Variants in KAZN observed in about 807,000 individuals in gnomAD.
KAZN encodes the protein kazrin, periplakin interacting protein, also known as kazrin.
Under a neutral mutation model 87.4 loss-of-function variants are expected in KAZN, and 40 were observed. That is an observed-to-expected ratio of 0.46 (90% CI 0.36 to 0.60). The LOEUF (loss-of-function observed/expected upper bound fraction) is 0.60. Among genes scored for constraint, KAZN ranks in the 20% least tolerant of loss-of-function variants. KAZN has a pLI of 0.00. For missense variants in KAZN, 898 were observed against 1,073.9 expected (o/e 0.84, Z 2.29); for synonymous variants, 466 against 458.3 (o/e 1.02, Z -0.22).
intron 2 of KAZN, among the ~76,000 whole-genome samples, chr1:14,551,702 G>A (rs910215520): frequency 6.6e-6 from 1 of 152,164 alleles, no homozygotes; most frequent in African/African-American, 2.4e-5. Flanking sequence ...TCACAGATTT[G>A]AGACATCTAA....
chr1:14,059,197 A>G (rs1642692533), intron 1 of KAZN, among the ~76,000 whole-genome samples: 1 of 152,206 alleles, frequency 6.6e-6, no homozygotes, highest in African/African-American at 2.4e-5. Context: ...GGCTCACACA[A>G]TTACAAGGCA....
At chr1:14,248,859 G>T (rs1389779772) in intron 2 of KAZN, among the ~76,000 whole-genome samples, 1 of 152,114 alleles carries the variant, frequency 6.6e-6, no homozygotes, top group Admixed American at 6.5e-5. Context: ...GTTGTTCATG[G>T]GGACATTCAC....
chr1:14,553,496 A>G (rs1214584258), intron 2 of KAZN, among the ~76,000 whole-genome samples: 4 of 152,226 alleles, frequency 2.6e-5, no homozygotes, highest in Non-Finnish European at 4.4e-5. Flanking sequence ...TCACCTATGT[A>G]TCACCTTGGC....
rs2004702 is a variant in KAZN, at chr1:14,949,019, T to G, written c.227-11665T>G. On this transcript the variant is annotated intron_variant, in intron 1 of 14. Transcript: ENST00000376030. This position sits in a 1 kb window ranked among gnomAD's most constrained non-coding sequence, Gnocchi z 4.3. ...AAAAAATACAAACATTAGAAGGGCG[T>G]TGTAGCACATGCCTGTAATCCCAGC... is the stretch of plus-strand genomic sequence containing the variant. Among the ~76,000 whole-genome samples, 1 of 151,878 alleles carries G rather than the reference T, an allele frequency of 6.6e-6. No homozygotes were observed. Among genetic ancestry groups the G allele is most frequent in the Non-Finnish European group, 1.5e-5 (1 of 67,942 alleles).
At chr1:14,188,194 CGTGTGTGTGTGTGT>C (rs3033865) in intron 2 of KAZN, among the ~76,000 whole-genome samples, 88 of 140,150 alleles carry the variant, frequency 6.3e-4, no homozygotes, top group African/African-American at 2.1e-3. Context: ...GAGAGAGGAG[CGTGTGTGTGTGTGT>C]GTGTGTGTGT....
chr1:14,126,561 A>C (rs1394908799), intron 1 of KAZN, among the ~76,000 whole-genome samples: 1 of 152,186 alleles, frequency 6.6e-6, no homozygotes, highest in African/African-American at 2.4e-5. Flanking sequence ...GTCTCATTTG[A>C]ATTTTACAAT....
intron 1 of KAZN, among the ~76,000 whole-genome samples, chr1:14,671,648 T>C (rs1374714381): frequency 6.6e-6 from 1 of 152,238 alleles, no homozygotes; most frequent in Non-Finnish European, 1.5e-5. Context: ...TCCTTTTTTT[T>C]TTAAAGGACT....
intron 2 of KAZN, among the ~76,000 whole-genome samples, chr1:14,520,722 A>G (rs1420281196): frequency 6.6e-6 from 1 of 152,202 alleles, no homozygotes; most frequent in African/African-American, 2.4e-5. Flanking sequence ...CTGAAACTGA[A>G]CTGAACCATT....
At chr1:14,948,096 G>A (rs1168908893) in intron 1 of KAZN, among the ~76,000 whole-genome samples, 3 of 152,204 alleles carry the variant, frequency 2.0e-5, no homozygotes, top group Non-Finnish European at 1.5e-5. Flanking sequence ...GAATAAGGTA[G>A]CCTTCAAGTT....
intron 2 of KAZN, among the ~76,000 whole-genome samples, chr1:15,010,743 C>T (rs902991838): frequency 6.6e-6 from 1 of 152,134 alleles, no homozygotes; most frequent in African/African-American, 2.4e-5. Flanking sequence ...TGAATCCAGA[C>T]ATTCAGCAGA....
intron 1 of KAZN, among the ~76,000 whole-genome samples, chr1:14,120,582 C>G (rs1372895193): frequency 1.3e-5 from 2 of 152,152 alleles, no homozygotes; most frequent in Non-Finnish European, 2.9e-5. Flanking sequence ...TTCACTGGGC[C>G]CAGAGGTACC....
chr1:14,921,550 C>T (rs1557622895), intron 1 of KAZN, among the ~76,000 whole-genome samples: 1 of 152,224 alleles, frequency 6.6e-6, no homozygotes, highest in Non-Finnish European at 1.5e-5. Flanking sequence ...AGACTACATT[C>T]CTGCCTGACA....
At chr1:13,989,155 T>G (rs1334994924) in intron 1 of KAZN, among the ~76,000 whole-genome samples, 2 of 152,164 alleles carry the variant, frequency 1.3e-5, no homozygotes, top group Non-Finnish European at 2.9e-5. Flanking sequence ...CATTAATCCA[T>G]TCATGAAGGT....
At chr1:14,983,601 A>T (rs976593106) in intron 2 of KAZN, among the ~76,000 whole-genome samples, 2 of 152,154 alleles carry the variant, frequency 1.3e-5, no homozygotes, top group African/African-American at 4.8e-5. Context: ...ATAAAACTGC[A>T]CAAATATGAA....
chr1:13,997,429 C>T (rs2359905), intron 1 of KAZN, among the ~76,000 whole-genome samples: 21,352 of 151,694 alleles, frequency 0.14, 1,610 homozygotes, highest in Middle Eastern at 0.22. Context: ...TGCTGAGCTA[C>T]GGGGGCATAT....
At chr1:14,504,058 C>T (rs144586523) in intron 2 of KAZN, among the ~76,000 whole-genome samples, 4 of 152,140 alleles carry the variant, frequency 2.6e-5, no homozygotes, top group African/African-American at 7.2e-5. Flanking sequence ...CCTTAAATGT[C>T]GTGCCCTAGT....
intron 1 of KAZN, among the ~76,000 whole-genome samples, chr1:14,684,001 A>G (rs1214082028): frequency 1.3e-5 from 2 of 152,228 alleles, no homozygotes; most frequent in African/African-American, 4.8e-5. Flanking sequence ...GTTGTACTCC[A>G]GTACCTTGTC....
rs184698608 is a variant in KAZN, at chr1:15,035,114, G to A, written c.555+229G>A. ...ACAGCGTGGACTCAGGAGTCCGGGGGGTTCAGATCCTGGCTCCTTGTGTGT... is the reference window on the plus strand; with the variant it reads ...ACAGCGTGGACTCAGGAGTCCGGGGAGTTCAGATCCTGGCTCCTTGTGTGT... On this transcript the variant is annotated intron_variant, in intron 3 of 14. Transcript: ENST00000376030. 1.8e-4 allele frequency among the ~76,000 whole-genome samples: 27 copies of A among 152,048 alleles called. No individual in the cohort carries two copies. In the East Asian group the frequency reaches 5.0e-3, roughly 28 times the overall value.
chr1:14,385,474 A>T (rs528003392), intron 2 of KAZN, among the ~76,000 whole-genome samples: 1 of 151,648 alleles, frequency 6.6e-6, no homozygotes, highest in East Asian at 1.9e-4. Context: ...CCCTCCACAC[A>T]CTGCTTTGAA....
Sources: gnomAD v4.1 joint callset for allele counts (sites outside exome capture counted in the v4.1 genomes callset) on GRCh38, gnomAD v4.1.1 for gene constraint, Gnocchi (gnomAD v3.1) non-coding constraint, MANE v1.5 for transcripts, NCBI Gene and HGNC (gene_info 2026-07-23, HGNC 2026-07-21) for gene names.